CNTNAP5: variants seen among roughly 807,000 people sequenced by gnomAD.
CNTNAP5 encodes contactin-associated protein-like 5.
In CNTNAP5, 72 loss-of-function variants were observed where a neutral mutation model predicts 150.2. The observed-to-expected ratio is 0.48, with a 90% CI of 0.40 to 0.58. The LOEUF is 0.58. CNTNAP5 is among the 20% of genes least tolerant of loss of function. The pLI is 0.00. For missense variants in CNTNAP5, 1,636 were observed against 1,626.2 expected (o/e 1.01, Z -0.10); for synonymous variants, 672 against 619.8 (o/e 1.08, Z -1.25).
chr2:124,431,765 GCTTT>G (rs961019532), intron 4 of CNTNAP5, among the ~76,000 whole-genome samples: 2 of 150,354 alleles, frequency 1.3e-5, no homozygotes, highest in African/African-American at 4.9e-5. Flanking sequence ...TTCTCTCACT[GCTTT>G]CTTATAATCA....
chr2:124,419,960 T>TCTTTCTTTCTTTCCTTTTCTC (rs1558894078), intron 4 of CNTNAP5, among the ~76,000 whole-genome samples: 5 of 16,964 alleles, frequency 2.9e-4, no homozygotes, highest in Admixed American at 8.0e-4. Flanking sequence ...TTCTTTCCTT[T>TCTTTCTTTCTTTCCTTTTCTC]TCTCTCTCTC....
chr2:124,757,453 C>T (rs1270201707), intron 14 of CNTNAP5, among the ~76,000 whole-genome samples: 1 of 152,140 alleles, frequency 6.6e-6, no homozygotes, highest in African/African-American at 2.4e-5. Context: ...TGAGAAACAC[C>T]AGCTTCCACT....
intron 3 of CNTNAP5, among the ~76,000 whole-genome samples, chr2:124,362,171 C>A (rs35378645): frequency 6.6e-6 from 1 of 152,218 alleles, no homozygotes; most frequent in Non-Finnish European, 1.5e-5. Context: ...CTTCGGCTGG[C>A]GCATGGTGCG....
intron 21 of CNTNAP5, among the ~76,000 whole-genome samples, chr2:124,874,308 T>A (rs1346404403): frequency 1.3e-5 from 2 of 152,032 alleles, no homozygotes; most frequent in African/African-American, 4.8e-5. Flanking sequence ...AGGGAAGTAA[T>A]CCATTTGGAA....
intron 1 of CNTNAP5, among the ~76,000 whole-genome samples, chr2:124,172,422 C>T (rs977612940): frequency 1.3e-5 from 2 of 151,778 alleles, no homozygotes; most frequent in East Asian, 1.9e-4. Context: ...CTTTTTCTTT[C>T]TTTCTTTTGA....
intron 3 of CNTNAP5, among the ~76,000 whole-genome samples, chr2:124,258,890 G>T (rs1042106675): frequency 6.6e-6 from 1 of 151,554 alleles, no homozygotes; most frequent in Non-Finnish European, 1.5e-5. Flanking sequence ...AAGTTTTAGG[G>T]TACATGTGCA....
chr2:124,773,653 T>C (rs893008970), intron 17 of CNTNAP5, among the ~76,000 whole-genome samples: 4 of 152,114 alleles, frequency 2.6e-5, no homozygotes, highest in Non-Finnish European at 5.9e-5. Flanking sequence ...CTACTTTCAT[T>C]CCACTCATAG....
At chr2:124,571,527 C>CTTTTTCTTTTTCTCTTTTTTTTCTTTTT in intron 11 of CNTNAP5, among the ~76,000 whole-genome samples, 1 of 46,838 alleles carries the variant, frequency 2.1e-5, no homozygotes, top group Non-Finnish European at 3.6e-5. Context: ...TTTCTTTTTT[C>CTTTTTCTTTTTCTCTTTTTTTTCTTTTT]TTTTTTTTTT....
chr2:124,740,248 T>C (rs961799850), intron 13 of CNTNAP5, among the ~76,000 whole-genome samples: 11 of 152,132 alleles, frequency 7.2e-5, no homozygotes, highest in African/African-American at 2.7e-4. Flanking sequence ...CTGTACAAGA[T>C]CTGGTTTCAT....
intron 11 of CNTNAP5, among the ~76,000 whole-genome samples, chr2:124,595,876 T>C (rs1234644594): frequency 1.5e-5 from 2 of 133,488 alleles, no homozygotes; most frequent in South Asian, 2.8e-4. Flanking sequence ...GGAGAGTGTA[T>C]GTGTCCAGGA....
At chr2:124,871,462 A>C (rs1313611115) in intron 21 of CNTNAP5, among the ~76,000 whole-genome samples, 1 of 152,024 alleles carries the variant, frequency 6.6e-6, no homozygotes, top group African/African-American at 2.4e-5. Flanking sequence ...TCTCTCCCCA[A>C]CTCTGCATCC....
chr2:124,810,454 G>A (rs1207974457), intron 19 of CNTNAP5, among the ~76,000 whole-genome samples: 1 of 152,134 alleles, frequency 6.6e-6, no homozygotes, highest in Non-Finnish European at 1.5e-5. Context: ...GGGGGAAAGG[G>A]TATAGAGGGA....
At chr2:124,527,660 C>G (rs924152163) in intron 10 of CNTNAP5, among the ~76,000 whole-genome samples, 2 of 152,202 alleles carry the variant, frequency 1.3e-5, no homozygotes, top group African/African-American at 4.8e-5. Context: ...TTCATGTTGA[C>G]TTGCAGTAAA....
rs202096662 is a variant in CNTNAP5 at position 124,061,841 on chromosome 2, G to A, written c.82+36109G>A. On this transcript the variant is annotated intron_variant, in intron 1 of 23. Coordinates refer to ENST00000682447, the MANE Select transcript of CNTNAP5 (RefSeq NM_001367498.1). ...TTTCTTTTCCTGAGTTTTATCTTAAGGATTAGCACTATTGTCCTGGATGGA... is the reference window on the plus strand; with the variant it reads ...TTTCTTTTCCTGAGTTTTATCTTAAAGATTAGCACTATTGTCCTGGATGGA... Among the ~76,000 whole-genome samples the A allele has an allele frequency of 1.2e-4, 19 of 152,142 alleles. No individual in the cohort carries two copies. The East Asian group carries it at 3.3e-3, about 26-fold the overall frequency.
intron 3 of CNTNAP5, among the ~76,000 whole-genome samples, chr2:124,369,933 C>A (rs1002218431): frequency 6.6e-6 from 1 of 152,130 alleles, no homozygotes; most frequent in Non-Finnish European, 1.5e-5. Flanking sequence ...CAGTTTCACT[C>A]AGCATGCTTC....
At chr2:124,304,393 A>G (rs1326701631) in intron 3 of CNTNAP5, among the ~76,000 whole-genome samples, 1 of 151,462 alleles carries the variant, frequency 6.6e-6, no homozygotes, top group East Asian at 1.9e-4. Flanking sequence ...GGCAAAGTAG[A>G]CTCTGCAAGA....
intron 3 of CNTNAP5, among the ~76,000 whole-genome samples, chr2:124,355,423 T>C (rs574510993): frequency 1.3e-5 from 2 of 152,232 alleles, no homozygotes; most frequent in African/African-American, 4.8e-5. Context: ...GTGTGAGGGA[T>C]GGTGTTGTGG....
intron 13 of CNTNAP5, among the ~76,000 whole-genome samples, chr2:124,697,793 G>T (rs1458090131): frequency 1.3e-5 from 2 of 152,140 alleles, no homozygotes; most frequent in African/African-American, 2.4e-5. Context: ...ATATATATTT[G>T]CAAACATCTA....
At chr2:124,886,230 T>A (rs889140487) in intron 21 of CNTNAP5, among the ~76,000 whole-genome samples, 7 of 152,078 alleles carry the variant, frequency 4.6e-5, no homozygotes, top group African/African-American at 1.7e-4. Flanking sequence ...TTAATGAGGA[T>A]AAGGATAATC....
Sources: gnomAD v4.1 joint callset for allele counts (sites outside exome capture counted in the v4.1 genomes callset) on GRCh38, gnomAD v4.1.1 for gene constraint, MANE v1.5 for transcripts, NCBI Gene and HGNC (gene_info 2026-07-23, HGNC 2026-07-21) for gene names.